SCFD2: variants seen among roughly 807,000 people sequenced by gnomAD.
SCFD2 encodes sec1 family domain-containing protein 2.
A neutral mutation model predicts 58.9 loss-of-function variants in SCFD2; 54 were observed. The observed-to-expected ratio is 0.92, with a 90% CI of 0.74 to 1.15. The LOEUF is 1.15. Among genes scored for constraint, SCFD2 ranks in the 50% most tolerant of loss-of-function variants. SCFD2 has a pLI of 0.00. For synonymous variants in SCFD2, 321 were observed against 335.9 expected (o/e 0.96, Z 0.49); for missense variants, 805 against 836.6 (o/e 0.96, Z 0.47).
chr4:53,239,211 G>A (rs1389645520), intron 4 of SCFD2, among the ~76,000 whole-genome samples: 133 of 142,802 alleles, frequency 9.3e-4, no homozygotes, highest in Middle Eastern at 3.7e-3. Context: ...CCAGTCAGGC[G>A]TGGCGGCGCG....
intron 6 of SCFD2, among the ~76,000 whole-genome samples, chr4:52,915,013 T>C (rs2109479247): frequency 6.6e-6 from 1 of 152,334 alleles, no homozygotes. Context: ...TCTCTGGTTA[T>C]TCTTTTGGGG....
chr4:53,365,238 T>G lies in SCFD2; in HGVS notation c.704A>C (p.Glu235Ala). ...SLCEHLGVRE[E>A]CFAVGSLSQV... Reference sequence around the variant, plus strand: ...ACTTAAGGAACCTACAGCAAAACACTCCTCCCGTACTCCTAAATGTTCACA... The same window carrying G: ...ACTTAAGGAACCTACAGCAAAACACGCCTCCCGTACTCCTAAATGTTCACA... The change falls in exon 1 of 9, where the codon GAG becomes GCG. Residue 235 changes from glutamate to alanine, a missense_variant. Physicochemically the swap from Glu to Ala is moderately radical, Grantham distance 107. This residue lies in a region of SCFD2 where 633 missense variants were observed against 646.8 expected (regional missense o/e 0.98). Coordinates refer to ENST00000401642, the MANE Select transcript of SCFD2 (RefSeq NM_152540.4). This position sits in a 1 kb window ranked among gnomAD's most constrained non-coding sequence, Gnocchi z 4.3. 1 of 1,614,102 alleles carries G rather than the reference T, an allele frequency of 6.2e-7. No individual in the cohort carries two copies. The highest frequency in any genetic ancestry group is 8.5e-7 in the Non-Finnish European group (1 of 1,180,014).
At chr4:53,362,751 A>G (rs140275272) in intron 1 of SCFD2, among the ~76,000 whole-genome samples, 6 of 152,246 alleles carry the variant, frequency 3.9e-5, no homozygotes, top group African/African-American at 1.2e-4. Context: ...TCCCTGGGTG[A>G]AAATACAGAG....
At chr4:53,298,494 G>T (rs568266620) in intron 3 of SCFD2, among the ~76,000 whole-genome samples, 1 of 152,214 alleles carries the variant, frequency 6.6e-6, no homozygotes, top group Non-Finnish European at 1.5e-5. Context: ...AGGCCTGCCT[G>T]CCTCTGTAGG....
chr4:53,297,711 T>C (rs1020009743), intron 3 of SCFD2, among the ~76,000 whole-genome samples: 28 of 152,258 alleles, frequency 1.8e-4, no homozygotes, highest in African/African-American at 6.7e-4. Flanking sequence ...TGCTAGCTGG[T>C]TATTTTGCCC....
intron 4 of SCFD2, among the ~76,000 whole-genome samples, chr4:53,160,778 A>C (rs1215676102): frequency 6.6e-6 from 1 of 152,232 alleles, no homozygotes; most frequent in Non-Finnish European, 1.5e-5. Context: ...CAGAAAGGTT[A>C]ATCTCAAAGT....
At chr4:52,887,660 G>T (rs928576923) in intron 7 of SCFD2, among the ~76,000 whole-genome samples, 6 of 152,184 alleles carry the variant, frequency 3.9e-5, no homozygotes, top group Non-Finnish European at 8.8e-5. Context: ...TGCCTGCGTG[G>T]CCACCAAAGC....
chr4:53,150,847 T>C (rs1726485003), intron 4 of SCFD2, among the ~76,000 whole-genome samples: 1 of 152,228 alleles, frequency 6.6e-6, no homozygotes, highest in African/African-American at 2.4e-5. Context: ...AACAGGATAG[T>C]CTTTGTAAAG....
chr4:53,342,406 A>C (rs556398887), intron 2 of SCFD2, among the ~76,000 whole-genome samples: 385 of 152,320 alleles, frequency 2.5e-3, no homozygotes, highest in Non-Finnish European at 4.4e-3. Context: ...AAGAAGAGCT[A>C]ACTATCCTAA....
At chr4:53,023,818 C>A (rs111485524) in intron 5 of SCFD2, among the ~76,000 whole-genome samples, 25 of 152,246 alleles carry the variant, frequency 1.6e-4, no homozygotes, top group African/African-American at 5.5e-4. Flanking sequence ...AGACTGAAAC[C>A]TGAAGATGGA....
chr4:52,885,635 G>A, intron 8 of SCFD2, 112 bp downstream of exon 8: 6 of 1,278,222 alleles, frequency 4.7e-6, no homozygotes, highest in Non-Finnish European at 6.7e-6. Flanking sequence ...CCAAGAGGGT[G>A]ATGGGCAGGC....
At chr4:53,224,935 C>T (rs947022432) in intron 4 of SCFD2, among the ~76,000 whole-genome samples, 8 of 152,108 alleles carry the variant, frequency 5.3e-5, no homozygotes, top group African/African-American at 1.9e-4. Flanking sequence ...AAACTCTCTT[C>T]TATTAACATT....
intron 5 of SCFD2, among the ~76,000 whole-genome samples, chr4:53,138,009 A>G (rs774082276): frequency 2.6e-5 from 4 of 152,166 alleles, no homozygotes; most frequent in Non-Finnish European, 4.4e-5. Flanking sequence ...AGTCTCGTCC[A>G]CTTACCTCAA....
At chr4:52,958,405 C>T (rs1720761851) in intron 5 of SCFD2, among the ~76,000 whole-genome samples, 1 of 152,224 alleles carries the variant, frequency 6.6e-6, no homozygotes, top group African/African-American at 2.4e-5. Context: ...GTACTTTCCT[C>T]ACTTATTAAT....
chr4:53,083,179 G>T (rs1349115203), intron 5 of SCFD2, among the ~76,000 whole-genome samples: 8 of 151,980 alleles, frequency 5.3e-5, no homozygotes, highest in Admixed American at 1.3e-4. Flanking sequence ...ATATTGCTTT[G>T]AACAATATTT....
At chr4:52,934,503 G>A (rs1237564245) in intron 5 of SCFD2, among the ~76,000 whole-genome samples, 1 of 152,204 alleles carries the variant, frequency 6.6e-6, no homozygotes, top group Non-Finnish European at 1.5e-5. Context: ...CATTTCCAGA[G>A]GCAGGCTGTG....
chr4:53,327,563 C>T (rs1172876641), intron 2 of SCFD2, among the ~76,000 whole-genome samples: 1 of 152,102 alleles, frequency 6.6e-6, no homozygotes, highest in Non-Finnish European at 1.5e-5. Context: ...AGTCTCCATG[C>T]AGAGCATGGG....
intron 5 of SCFD2, chr4:52,957,497 T>C (rs951179706): frequency 2.0e-5 from 3 of 152,352 alleles, no homozygotes; most frequent in Non-Finnish European, 2.9e-5. Context: ...TGGCAGTTTA[T>C]GGACTTTCAC....
chr4:53,083,674 G>T (rs1724216069), intron 5 of SCFD2, among the ~76,000 whole-genome samples: 1 of 152,166 alleles, frequency 6.6e-6, no homozygotes, highest in South Asian at 2.1e-4. Context: ...AGCCAGCTGA[G>T]AAATAAAGAG....
Sources: gnomAD v4.1 joint callset for allele counts (sites outside exome capture counted in the v4.1 genomes callset) on GRCh38, gnomAD v4.1.1 for gene constraint, gnomAD v4.1.1 regional missense constraint, Gnocchi (gnomAD v3.1) non-coding constraint, MANE v1.5 for transcripts, NCBI Gene and HGNC (gene_info 2026-07-23, HGNC 2026-07-21) for gene names.